SAMD5: variants seen among roughly 807,000 people sequenced by gnomAD.
SAMD5 encodes the protein sterile alpha motif domain-containing protein 5.
A neutral mutation model predicts 11.3 loss-of-function variants in SAMD5; 13 were observed. The ratio of observed to expected loss-of-function variants is 1.15; its 90% CI spans 0.75 to 1.83. SAMD5 has a LOEUF of 1.83. Among genes scored for constraint, SAMD5 ranks in the 40% most tolerant of loss-of-function variants. The probability of loss-of-function intolerance (pLI) is 0.00; values close to 1 mark genes in which losing one functional copy is unlikely to be tolerated. For synonymous variants in SAMD5, 129 were observed against 111.3 expected, an observed-to-expected ratio of 1.16 and a Z score of -1.00; for missense variants, 255 against 239.1, an observed-to-expected ratio of 1.07 and a Z score of -0.44.
At chr6:147,586,429 C>T (rs1202798678) in intron 1 of SAMD5, among the ~76,000 whole-genome samples, 1 of 151,868 alleles carries the variant, frequency 6.6e-6, no homozygotes, top group Non-Finnish European at 1.5e-5. Context: ...TTGTGCCCTC[C>T]ACAAGGGAAA....
chr6:147,540,133 G>T (rs999968068), intron 1 of SAMD5, among the ~76,000 whole-genome samples: 1 of 151,926 alleles, frequency 6.6e-6, no homozygotes, highest in Non-Finnish European at 1.5e-5. Flanking sequence ...CCCCAGGGTA[G>T]TTTAGAGAAA....
the SAMD5 span, among the ~76,000 whole-genome samples, chr6:147,745,777 C>CTTTT: frequency 1.1e-4 from 15 of 133,220 alleles, no homozygotes; most frequent in Non-Finnish European, 1.5e-4. Flanking sequence ...TTCTTTCTTT[C>CTTTT]TTTTTTTTTT....
chr6:147,779,684 A>G, the SAMD5 span, among the ~76,000 whole-genome samples: 1 of 152,192 alleles, frequency 6.6e-6, no homozygotes, highest in Non-Finnish European at 1.5e-5. Context: ...AAATATTTTC[A>G]GCACAAGACA....
At chr6:147,653,477 C>T (rs1156471729) in intron 1 of SAMD5, among the ~76,000 whole-genome samples, 1 of 152,160 alleles carries the variant, frequency 6.6e-6, no homozygotes, top group Non-Finnish European at 1.5e-5. Context: ...GAGCAGTCCT[C>T]CTCTTAATTA....
At chr6:147,638,718 G>A (rs1173870076) in intron 1 of SAMD5, among the ~76,000 whole-genome samples, 1 of 152,168 alleles carries the variant, frequency 6.6e-6, no homozygotes, top group East Asian at 1.9e-4. Flanking sequence ...CACTTTTATA[G>A]CCTATTATGG....
the SAMD5 span, among the ~76,000 whole-genome samples, chr6:147,804,056 A>G: frequency 6.6e-6 from 1 of 151,396 alleles, no homozygotes; most frequent in Admixed American, 6.6e-5. Context: ...CAGCCACAGC[A>G]TGTTGGCCAT....
chr6:147,838,577 C>T, the SAMD5 span, among the ~76,000 whole-genome samples: 2 of 129,356 alleles, frequency 1.5e-5, no homozygotes, highest in Non-Finnish European at 3.1e-5. Context: ...TAAGCAATAA[C>T]TGTTAGCCCT....
At chr6:147,562,832 A>AAT (rs778078788) in intron 1 of SAMD5, among the ~76,000 whole-genome samples, 83 of 148,760 alleles carry the variant, frequency 5.6e-4, no homozygotes, top group Middle Eastern at 7.0e-3. Flanking sequence ...AAAAAAAAAT[A>AAT]AATAAATAAA....
the SAMD5 span, among the ~76,000 whole-genome samples, chr6:147,952,528 C>T: frequency 0.38 from 58,430 of 151,872 alleles, 12,013 homozygotes; most frequent in Middle Eastern, 0.5. Context: ...TTGTTTGTTT[C>T]GAGACAGAGT....
At chr6:147,666,148 AG>A (rs1790716144) in intron 1 of SAMD5, among the ~76,000 whole-genome samples, 1 of 152,222 alleles carries the variant, frequency 6.6e-6, no homozygotes, top group Non-Finnish European at 1.5e-5. Context: ...CATGTTGGCC[AG>A]GCTGGTCGCC....
chr6:147,866,891 A>G, the SAMD5 span, among the ~76,000 whole-genome samples: 4 of 152,216 alleles, frequency 2.6e-5, no homozygotes, highest in African/African-American at 9.6e-5. Flanking sequence ...CTTTAAAAGC[A>G]TATGACTTGA....
the SAMD5 span, among the ~76,000 whole-genome samples, chr6:147,908,895 T>C: frequency 5.3e-5 from 8 of 152,130 alleles, no homozygotes; most frequent in African/African-American, 1.9e-4. Context: ...AGGCTAAGCC[T>C]GAGATAGGCA....
chr6:147,735,647 A>G lies in SAMD5; in HGVS notation c.163-1670A>G, dbSNP rs150720275. On this transcript the variant is annotated intron_variant, in intron 1 of 1. Transcript: ENST00000566741. Reference sequence around the variant, plus strand: ...TAAAGTTTCAGAGATCGTATCATCTATTTTACTATTTTTTTTTTTTACATC... The same window carrying G: ...TAAAGTTTCAGAGATCGTATCATCTGTTTTACTATTTTTTTTTTTTACATC... Among the ~76,000 whole-genome samples, 6 of 139,282 alleles carry G rather than the reference A, an allele frequency of 4.3e-5. No individual in the cohort carries two copies. In the East Asian group the frequency reaches 7.8e-4, roughly 18 times the overall value. 91.4% of individuals were successfully genotyped at this position (139,282 alleles called of 152,430 possible). A position where few individuals can be genotyped will look rare whatever the true frequency, so the allele number is the denominator to read the frequency against.
intron 1 of SAMD5, among the ~76,000 whole-genome samples, chr6:147,689,426 C>T (rs1331311505): frequency 6.6e-6 from 1 of 152,162 alleles, no homozygotes; most frequent in Non-Finnish European, 1.5e-5. Flanking sequence ...CTCTGAGTAT[C>T]ATTATCCTTA....
At chr6:147,598,198 C>T (rs1030838687) in intron 1 of SAMD5, among the ~76,000 whole-genome samples, 2 of 151,558 alleles carry the variant, frequency 1.3e-5, no homozygotes, top group South Asian at 4.2e-4. Context: ...GATCATGGCT[C>T]ACTGCAACCT....
the SAMD5 span, among the ~76,000 whole-genome samples, chr6:147,826,165 T>C: frequency 6.6e-6 from 1 of 152,376 alleles, no homozygotes; most frequent in South Asian, 2.1e-4. Context: ...TTGAGAGTTG[T>C]GGTATTACTA....
At chr6:147,559,138 G>A (rs188844933) in intron 1 of SAMD5, among the ~76,000 whole-genome samples, 2 of 152,316 alleles carry the variant, frequency 1.3e-5, no homozygotes, top group Admixed American at 1.3e-4. Flanking sequence ...GACTCCAGGC[G>A]GTAAGGCGGC....
chr6:147,752,482 C>A, the SAMD5 span, among the ~76,000 whole-genome samples: 94 of 152,172 alleles, frequency 6.2e-4, 1 homozygote, highest in Non-Finnish European at 1.0e-3. Flanking sequence ...ATTCCATCGT[C>A]ATTTGCAGTA....
chr6:147,635,717 C>T (rs972174848), intron 1 of SAMD5, among the ~76,000 whole-genome samples: 1 of 152,176 alleles, frequency 6.6e-6, no homozygotes, highest in African/African-American at 2.4e-5. Flanking sequence ...CTTTGGCATG[C>T]CTTTCATGCA....
Sources: allele counts gnomAD v4.1 joint callset (sites outside exome capture counted in the v4.1 genomes callset), GRCh38; gene constraint gnomAD v4.1.1; transcripts MANE v1.5; gene names NCBI Gene and HGNC (gene_info 2026-07-23, HGNC 2026-07-21).